Variants in OARD1 observed in about 807,000 individuals in gnomAD.
The protein encoded by OARD1 is O-acyl-ADP-ribose deacylase 1, also known as ADP-ribose glycohydrolase OARD1.
In OARD1, 19 loss-of-function variants were observed where a neutral mutation model predicts 19.7. That is an observed-to-expected ratio of 0.96 (90% confidence interval 0.67 to 1.41). The LOEUF is 1.41. Ranked by LOEUF, OARD1 falls within the 40% of genes most tolerant of loss-of-function variation. The pLI is 0.00. For missense variants in OARD1, 190 were observed against 183.8 expected, an observed-to-expected ratio of 1.03 and a Z score of -0.20; for synonymous variants, 70 against 61.8, an observed-to-expected ratio of 1.13 and a Z score of -0.62.
chr6:41,071,429 G>T, intron 2 of OARD1, 153 bp from the exon 3 acceptor site: 1 of 967,562 alleles, frequency 1.0e-6, no homozygotes, highest in South Asian at 1.5e-5. Context: ...ATGTGTAAAA[G>T]GAAAGTAATG....
At chr6:41,085,753 T>A (rs1294797404) in intron 1 of OARD1, among the ~76,000 whole-genome samples, 1 of 88,564 alleles carries the variant, frequency 1.1e-5, no homozygotes, top group African/African-American at 8.3e-5. Flanking sequence ...TGTGTTTTCA[T>A]TTTTTTTTTT....
At chr6:41,076,037 C>T (rs139225432), upstream of OARD1, among the ~76,000 whole-genome samples, 61 of 152,238 alleles carry the variant, frequency 4.0e-4, no homozygotes, top group East Asian at 9.5e-3. Flanking sequence ...TTTCATCAAG[C>T]GTCTATCAGG....
intron 1 of OARD1, chr6:41,094,342 C>G: frequency 1.4e-6 from 2 of 1,472,598 alleles, no homozygotes; most frequent in Admixed American, 1.7e-5. Context: ...CACTAGATAA[C>G]TGTGCTGGTT....
intron 1 of OARD1, among the ~76,000 whole-genome samples, chr6:41,090,753 GACGTGA>G (rs1764178768): frequency 1.3e-5 from 2 of 152,152 alleles, no homozygotes; most frequent in African/African-American, 4.8e-5. Context: ...TAGTAAGAAA[GACGTGA>G]ACAAATAAAT....
chr6:41,071,166 C>T lies in OARD1; in HGVS notation c.150G>A (p.Lys50=), dbSNP rs1763349298. 1 of 1,614,216 alleles carries T rather than the reference C, an allele frequency of 6.2e-7. No individual in the cohort carries two copies. The highest frequency in any genetic ancestry group is 8.5e-7 in the Non-Finnish European group (1 of 1,180,030). Residue 50 remains lysine, a synonymous_variant, in exon 3 of 6, where the codon AAG becomes AAA. Coordinates refer to ENST00000424266, the MANE Select transcript of OARD1 (RefSeq NM_001329686.2). ...AAAGTTCTTGCACCCCTCCAAATTT[C>T]TTCTTAAAGAGGACAGCTATCCCAG... is the stretch of plus-strand genomic sequence containing the variant. ...MGAGIAVLFK[K]KFGGVQELLN...
At chr6:41,080,888 C>G in intron 1 of OARD1, 1 of 1,613,704 alleles carries the variant, frequency 6.2e-7, no homozygotes, top group Non-Finnish European at 8.5e-7. Flanking sequence ...AAGTCCAGAC[C>G]CTCCAGGTAG....
chr6:41,089,515 C>T, intron 1 of OARD1: 4 of 1,460,088 alleles, frequency 2.7e-6, no homozygotes, highest in Non-Finnish European at 3.6e-6. Flanking sequence ...GTGGATAACT[C>T]TCGGGGACCA....
rs1261790572 is a variant in OARD1 at position 41,065,753 on chromosome 6, T to C, written c.*1582A>G. The stretch of plus-strand genomic sequence containing the variant: ...AACACAGTCTAAAGTACAAAGATTA[T>C]ATTTAACCAGTACTTTCCTGGTGTT... On this transcript the variant is annotated 3_prime_UTR_variant, in exon 6 of 6. Coordinates refer to ENST00000424266, the MANE Select transcript of OARD1 (RefSeq NM_001329686.2). 6.6e-6 allele frequency: 1 copy of C among 152,232 alleles called. No homozygotes were observed. Among genetic ancestry groups the C allele is most frequent in the Non-Finnish European group, 1.5e-5 (1 of 68,048 alleles). 9.4% of individuals were successfully genotyped at this position (152,232 alleles called of 1,614,324 possible). A position where few individuals can be genotyped will look rare whatever the true frequency, so the allele number is the denominator to read the frequency against.
At chr6:41,079,331 A>G (rs1763843232) in intron 1 of OARD1, among the ~76,000 whole-genome samples, 1 of 152,230 alleles carries the variant, frequency 6.6e-6, no homozygotes, top group East Asian at 1.9e-4. Flanking sequence ...ATGACCACTT[A>G]GAATCTACTC....
intron 1 of OARD1, among the ~76,000 whole-genome samples, chr6:41,092,334 C>G (rs1402554473): frequency 6.6e-6 from 1 of 152,224 alleles, no homozygotes; most frequent in Non-Finnish European, 1.5e-5. Flanking sequence ...TGAGCTCAGC[C>G]TGGGCAATGT....
At chr6:41,080,606 A>G (rs1287743419) in intron 1 of OARD1, among the ~76,000 whole-genome samples, 2 of 152,184 alleles carry the variant, frequency 1.3e-5, no homozygotes, top group Non-Finnish European at 2.9e-5. Context: ...TTTTGAGTCA[A>G]ATTTTTGAGG....
chr6:41,089,834 T>C (rs1764153266), intron 1 of OARD1: 1 of 1,383,010 alleles, frequency 7.2e-7, no homozygotes, highest in Non-Finnish European at 9.6e-7. Context: ...AAAAATATAT[T>C]TTTGGCCGGG....
chr6:41,070,857 T>C (rs916928126), intron 3 of OARD1: 6 of 597,272 alleles, frequency 1.0e-5, no homozygotes, highest in Non-Finnish European at 1.8e-5. Flanking sequence ...TGCCAACCTA[T>C]AGACTAAGCA....
intron 1 of OARD1, chr6:41,084,334 T>C (rs1047352586): frequency 2.1e-6 from 2 of 962,052 alleles, no homozygotes; most frequent in African/African-American, 1.7e-5. Flanking sequence ...TCTGCCTTTA[T>C]AGTACCAGTG....
intron 1 of OARD1, chr6:41,071,970 G>C (rs1582010121): frequency 2.8e-6 from 1 of 358,414 alleles, no homozygotes; most frequent in Admixed American, 4.1e-5. Context: ...GGGCCACTCC[G>C]GAGCAAGGCC....
chr6:41,086,970 C>G (rs188765869), intron 1 of OARD1, among the ~76,000 whole-genome samples: 1 of 152,090 alleles, frequency 6.6e-6, no homozygotes, highest in African/African-American at 2.4e-5. Context: ...AACAAATTGA[C>G]TAAAACATAA....
chr6:41,090,422 CAAA>C, intron 1 of OARD1: 22 of 449,320 alleles, frequency 4.9e-5, no homozygotes, highest in South Asian at 9.4e-5. Context: ...ATTTTTTGGA[CAAA>C]AAAAAAAAAG....
chr6:41,084,926 A>G (rs561576045), intron 1 of OARD1, among the ~76,000 whole-genome samples: 19 of 152,310 alleles, frequency 1.2e-4, no homozygotes, highest in South Asian at 2.1e-4. Flanking sequence ...GTGCCACTGC[A>G]CTCCAGGCTG....
rs991613444 is a variant in OARD1 at position 41,065,525 on chromosome 6, T to A, written c.*1810A>T. On this transcript the variant is annotated 3_prime_UTR_variant, in exon 6 of 6. Transcript: ENST00000424266. ...CTTTCAATTTTGTGTATTTAGATAA[T>A]CTCTCCTTCCTTTTTCCCTTCAACT... 6.6e-6 allele frequency: 1 copy of A among 152,168 alleles called. No individual in the cohort carries two copies. Among genetic ancestry groups the A allele is most frequent in the Non-Finnish European group, 1.5e-5 (1 of 68,036 alleles). The allele number at this position is 152,168 out of a possible 1,614,324, so 9.4% of individuals were successfully genotyped here.
Sources: allele counts gnomAD v4.1 joint callset (sites outside exome capture counted in the v4.1 genomes callset), GRCh38; gene constraint gnomAD v4.1.1; transcripts MANE v1.5; gene names NCBI Gene and HGNC (gene_info 2026-07-23, HGNC 2026-07-21).